TMEM222: variants seen among roughly 807,000 people sequenced by gnomAD.
TMEM222 encodes the protein transmembrane protein 222.
TMEM222 carries 18 observed loss-of-function variants against 25.1 expected under a neutral mutation model. The observed-to-expected ratio is 0.72, with a 90% CI of 0.50 to 1.06. TMEM222 has a LOEUF of 1.06. Among genes scored for constraint, TMEM222 ranks in the 50% least tolerant of loss-of-function variants. TMEM222 has a pLI of 0.00. For missense variants in TMEM222, 296 were observed against 293.7 expected (o/e 1.01, Z -0.06); for synonymous variants, 131 against 117.9 (o/e 1.11, Z -0.72).
At chr1:27,333,516 T>C (rs1474505163) in intron 3 of TMEM222, 1 of 457,178 alleles carries the variant, frequency 2.2e-6, no homozygotes, top group Non-Finnish European at 4.4e-6. Context: ...GTAGAGTCAG[T>C]GTCTGGTGAG....
chr1:27,325,744 A>G, intron 1 of TMEM222: 1 of 876,968 alleles, frequency 1.1e-6, no homozygotes, highest in South Asian at 1.3e-5. Flanking sequence ...TGGATTAGCA[A>G]GCAGGAGTAT....
intron 2 of TMEM222, among the ~76,000 whole-genome samples, chr1:27,331,688 G>A (rs2014482446): frequency 6.6e-6 from 1 of 152,268 alleles, no homozygotes; most frequent in South Asian, 2.1e-4. Flanking sequence ...TGTTGAGTCA[G>A]GAGGCCAGAC....
At chr1:27,334,312 C>T (rs200845230) in intron 5 of TMEM222, 31 bp downstream of exon 5, 11 of 1,613,532 alleles carry the variant, frequency 6.8e-6, no homozygotes, top group East Asian at 6.7e-5. Flanking sequence ...CCCACCCACA[C>T]ACTGCCCAGA....
At chr1:27,322,727 TTC>T (rs2014237043) in intron 1 of TMEM222, among the ~76,000 whole-genome samples, 1 of 152,206 alleles carries the variant, frequency 6.6e-6, no homozygotes, top group African/African-American at 2.4e-5. Context: ...CACTGGTTTA[TTC>T]TCTCATTGAG....
rs748525902 is a variant in TMEM222, at chr1:27,334,145, C to T, written c.409-6C>T. Reference sequence around the variant, plus strand: ...CCATCCTGACCAGCCCTTCTGGTGCCTCCAGCACAATCTCTGCTGTGACAA... The same window carrying T: ...CCATCCTGACCAGCCCTTCTGGTGCTTCCAGCACAATCTCTGCTGTGACAA... On this transcript the variant is annotated splice_region_variant and splice_polypyrimidine_tract_variant and intron_variant, in intron 4 of 5. Transcript: ENST00000374076. 17 of 1,614,162 alleles carry T rather than the reference C, an allele frequency of 1.1e-5. No individual in the cohort carries two copies. Among genetic ancestry groups the T allele is most frequent in the African/African-American group, 2.7e-5 (2 of 75,070 alleles).
At chr1:27,326,470 A>G (rs2014353997) in intron 1 of TMEM222, among the ~76,000 whole-genome samples, 1 of 152,190 alleles carries the variant, frequency 6.6e-6, no homozygotes. Context: ...ATGTGAGAAC[A>G]TTAGGCCCCA....
chr1:27,332,489 TAGAAGA>T, intron 3 of TMEM222: 1 of 718,200 alleles, frequency 1.4e-6, no homozygotes, highest in Non-Finnish European at 2.6e-6. Flanking sequence ...GCATGGAAGG[TAGAAGA>T]GAGGCATTGT....
chr1:27,329,147 T>C (rs1463714697), intron 1 of TMEM222, among the ~76,000 whole-genome samples: 1 of 152,156 alleles, frequency 6.6e-6, no homozygotes, highest in Admixed American at 6.5e-5. Flanking sequence ...TTCTTTGTTA[T>C]TTCCTCAGGG....
chr1:27,332,137 G>T (rs1460526831), intron 3 of TMEM222, 36 bp downstream of exon 3: 1 of 1,613,962 alleles, frequency 6.2e-7, no homozygotes, highest in Admixed American at 1.7e-5. Context: ...GGCTCTAGAG[G>T]CAGGTCGCTC....
At position 27,335,952 on chromosome 1, in the gene TMEM222, G is replaced by A; in HGVS notation, c.*486G>A. ...CCACTGGCCTCTAGAATGGTCCAGA[G>A]GGGCTGGCTGGGTCCCTTTGTCAGA... On this transcript the variant is annotated 3_prime_UTR_variant, in exon 6 of 6. Coordinates refer to ENST00000374076, the MANE Select transcript of TMEM222 (RefSeq NM_032125.3). The A allele has an allele frequency of 6.2e-6, 1 of 160,476 alleles. No homozygotes were observed. Among genetic ancestry groups the A allele is most frequent in the Admixed American group, 6.0e-5 (1 of 16,652 alleles). 9.9% of individuals were successfully genotyped at this position (160,476 alleles called of 1,614,324 possible).
intron 3 of TMEM222, chr1:27,332,431 A>T (rs1177421167): frequency 1.4e-6 from 1 of 717,986 alleles, no homozygotes; most frequent in African/African-American, 1.7e-5. Context: ...CCACACCCAG[A>T]TCTGTCTCCC....
intron 1 of TMEM222, among the ~76,000 whole-genome samples, chr1:27,326,424 T>TAA (rs992620602): frequency 3.9e-5 from 6 of 152,158 alleles, no homozygotes; most frequent in Non-Finnish European, 1.5e-5. Flanking sequence ...CTCGATTCTT[T>TAA]AAGGAGATGA....
intron 3 of TMEM222, chr1:27,333,235 A>C: frequency 2.3e-6 from 1 of 436,254 alleles, no homozygotes; most frequent in Non-Finnish European, 4.8e-6. Flanking sequence ...GGGCTCAGTC[A>C]CTTCAGTTAT....
intron 3 of TMEM222, chr1:27,333,636 T>A (rs1351115179): frequency 2.5e-6 from 1 of 407,434 alleles, no homozygotes; most frequent in Non-Finnish European, 4.7e-6. Flanking sequence ...AATCACCCCA[T>A]GGCCTAATCA....
rs3934805 is a variant in TMEM222, at chr1:27,327,344, T to G, written c.195-3376T>G. Among the ~76,000 whole-genome samples the G allele has an allele frequency of 8.7e-3, 1,330 of 152,298 alleles. 22 individuals carry two copies. The highest frequency in any genetic ancestry group is 0.03 in the African/African-American group (1,240 of 41,562). On this transcript the variant is annotated intron_variant, in intron 1 of 5. Transcript: ENST00000374076. ...GGCAAGCCTCAACCCAGATGATATC[T>G]GAGCATGACTTCACTGTTGGCGTTT... is the stretch of plus-strand genomic sequence containing the variant.
At chr1:27,326,391 A>C (rs1399417656) in intron 1 of TMEM222, among the ~76,000 whole-genome samples, 1 of 152,128 alleles carries the variant, frequency 6.6e-6, no homozygotes, top group African/African-American at 2.4e-5. Flanking sequence ...TAATTTATGT[A>C]AGGTTTTTTT....
chr1:27,330,693 G>T (rs759224149), intron 1 of TMEM222, 27 bp from the exon 2 acceptor site: 2 of 1,603,682 alleles, frequency 1.2e-6, no homozygotes, highest in East Asian at 4.5e-5. Flanking sequence ...CCTAAGCTCT[G>T]TCCCTTCCCC....
intron 1 of TMEM222, among the ~76,000 whole-genome samples, chr1:27,322,604 C>T (rs964375542): frequency 6.6e-6 from 1 of 152,178 alleles, no homozygotes; most frequent in Admixed American, 6.5e-5. Context: ...CCTGGTGTAG[C>T]CAGGGAGAGA....
chr1:27,324,941 CCCCCACCTCCAAT>C (rs1249888708), intron 1 of TMEM222, among the ~76,000 whole-genome samples: 1 of 152,154 alleles, frequency 6.6e-6, no homozygotes, highest in Non-Finnish European at 1.5e-5. Context: ...CCACCACCAG[CCCCCACCTCCAAT>C]ATGGGGACTA....
Sources: gnomAD v4.1 joint callset for allele counts (sites outside exome capture counted in the v4.1 genomes callset) on GRCh38, gnomAD v4.1.1 for gene constraint, MANE v1.5 for transcripts, NCBI Gene and HGNC (gene_info 2026-07-23, HGNC 2026-07-21) for gene names.